Variants in FARS2 observed in about 807,000 individuals in gnomAD.
FARS2 encodes phenylalanine--tRNA ligase, mitochondrial.
Under a neutral mutation model 46.4 loss-of-function variants are expected in FARS2, and 40 were observed. The ratio of observed to expected loss-of-function variants is 0.86; its 90% CI spans 0.67 to 1.12. The LOEUF is 1.12. FARS2 is among the 50% of genes most tolerant of loss of function. FARS2 has a pLI of 0.00. For missense variants in FARS2, 513 were observed against 567.9 expected (o/e 0.90, Z 0.98); for synonymous variants, 234 against 214.9 (o/e 1.09, Z -0.78).
intron 1 of FARS2, among the ~76,000 whole-genome samples, chr6:5,271,198 C>T (rs149451977): frequency 1.9e-4 from 29 of 152,232 alleles, no homozygotes; most frequent in Admixed American, 5.2e-4. Context: ...TAAATTTTAT[C>T]GTCTGGCCAG....
At chr6:5,281,255 A>G (rs2127855362) in intron 1 of FARS2, among the ~76,000 whole-genome samples, 1 of 152,360 alleles carries the variant, frequency 6.6e-6, no homozygotes, top group East Asian at 1.9e-4. Context: ...TGAAGGTAAG[A>G]CTTAAAAAGA....
chr6:5,699,006 G>A (rs1758265186), intron 6 of FARS2, among the ~76,000 whole-genome samples: 2 of 152,216 alleles, frequency 1.3e-5, no homozygotes, highest in Admixed American at 1.3e-4. Flanking sequence ...TGGAAGCAGA[G>A]GGAAGGCACT....
In FARS2 at chr6:5,298,177, G is replaced by T. The variant is rs1397040226; in HGVS notation, c.-22+36517G>T. Among the ~76,000 whole-genome samples, 3 of 152,230 alleles carry T rather than the reference G, an allele frequency of 2.0e-5. No individual in the cohort carries two copies. The East Asian group carries it at 5.8e-4, about 29-fold the overall frequency. Reference sequence around the variant, plus strand: ...GGCTGCATGGCCTTGTGAAAATAGTGCTGCCCCTGGATGATGCTGGTCTGC... The same window carrying T: ...GGCTGCATGGCCTTGTGAAAATAGTTCTGCCCCTGGATGATGCTGGTCTGC... On this transcript the variant is annotated intron_variant, in intron 1 of 6. Transcript: ENST00000274680.
At chr6:5,301,802 TACACACACACAC>T (rs143654686) in intron 1 of FARS2, among the ~76,000 whole-genome samples, 1,960 of 132,416 alleles carry the variant, frequency 0.015, 50 homozygotes, top group African/African-American at 0.044. Flanking sequence ...CACACACACA[TACACACACACAC>T]ACACACACAC....
In FARS2 at chr6:5,757,967, G is replaced by A. The variant is rs933203239; in HGVS notation, c.1218-13324G>A. Among the ~76,000 whole-genome samples the A allele has an allele frequency of 2.1e-4, 32 of 152,328 alleles. 1 individual carries two copies. The Middle Eastern group carries it at 0.017, about 81-fold the overall frequency. ...ATTTAAAAGTTGTTTTCATAGAGAAGTACATGGTTCTAGGATGAGTTTCCA... is the reference window on the plus strand; with the variant it reads ...ATTTAAAAGTTGTTTTCATAGAGAAATACATGGTTCTAGGATGAGTTTCCA... On this transcript the variant is annotated intron_variant, in intron 6 of 6. Coordinates refer to ENST00000274680, the MANE Select transcript of FARS2 (RefSeq NM_006567.5).
At chr6:5,307,740 C>T (rs983927687) in intron 1 of FARS2, among the ~76,000 whole-genome samples, 2 of 151,782 alleles carry the variant, frequency 1.3e-5, no homozygotes, top group Non-Finnish European at 2.9e-5. Context: ...GTTTTATGAA[C>T]TAATTCATCT....
At chr6:5,467,781 A>G (rs1264167766) in intron 4 of FARS2, among the ~76,000 whole-genome samples, 1 of 152,222 alleles carries the variant, frequency 6.6e-6, no homozygotes, top group East Asian at 1.9e-4. Flanking sequence ...AGACCAAAAG[A>G]TGATTTCTAA....
intron 4 of FARS2, among the ~76,000 whole-genome samples, chr6:5,523,515 A>G (rs1277551118): frequency 6.6e-6 from 1 of 151,088 alleles, no homozygotes; most frequent in Non-Finnish European, 1.5e-5. Flanking sequence ...GCGATGTCAT[A>G]TCTGGCTGGT....
chr6:5,577,582 AT>A (rs1024690808), intron 5 of FARS2, among the ~76,000 whole-genome samples: 1 of 152,108 alleles, frequency 6.6e-6, no homozygotes, highest in Admixed American at 6.6e-5. Context: ...TACTTTTAAG[AT>A]TTTTTTAATT....
intron 6 of FARS2, among the ~76,000 whole-genome samples, chr6:5,680,892 A>G (rs1188114275): frequency 6.6e-6 from 1 of 152,208 alleles, no homozygotes; most frequent in Non-Finnish European, 1.5e-5. Flanking sequence ...ACAAAATGTA[A>G]AAGTTTTACC....
In FARS2 at chr6:5,644,993, T is replaced by C. The variant is rs1416830515; in HGVS notation, c.1217+31673T>C. Among the ~76,000 whole-genome samples, 3 of 152,342 alleles carry C rather than the reference T, an allele frequency of 2.0e-5. 1 individual carries two copies. The highest frequency in any genetic ancestry group is 1.9e-4 in the East Asian group (1 of 5,188). ...ACTCTCAGAGCCGACTCAGCACTTA[T>C]GATTCTGAAGAAGTGATATGCAGGC... On this transcript the variant is annotated intron_variant, in intron 6 of 6. Transcript: ENST00000274680.
intron 6 of FARS2, among the ~76,000 whole-genome samples, chr6:5,750,150 C>A (rs754472617): frequency 6.6e-6 from 1 of 152,056 alleles, no homozygotes; most frequent in Admixed American, 6.5e-5. Flanking sequence ...CATCATGATA[C>A]GACAGCATGG....
chr6:5,463,796 C>T (rs964403868), intron 4 of FARS2, among the ~76,000 whole-genome samples: 2 of 152,094 alleles, frequency 1.3e-5, no homozygotes, highest in Admixed American at 6.5e-5. Context: ...CATAGTGAGT[C>T]CCTTAACAGC....
chr6:5,585,338 C>A (rs1773557985), intron 5 of FARS2, among the ~76,000 whole-genome samples: 1 of 152,120 alleles, frequency 6.6e-6, no homozygotes, highest in Admixed American at 6.6e-5. Flanking sequence ...GTAAGGACAA[C>A]TGACGTCTGC....
At chr6:5,755,999 A>ATGTTT (rs1243631851) in intron 6 of FARS2, among the ~76,000 whole-genome samples, 14 of 152,166 alleles carry the variant, frequency 9.2e-5, no homozygotes, top group African/African-American at 2.9e-4. Flanking sequence ...TGCCAAGGAT[A>ATGTTT]TGTTTTGTTT....
At chr6:5,547,679 C>T (rs927065517) in intron 5 of FARS2, among the ~76,000 whole-genome samples, 12 of 152,218 alleles carry the variant, frequency 7.9e-5, no homozygotes, top group African/African-American at 2.9e-4. Flanking sequence ...GGAGAATTGG[C>T]TGGCAGTGAG....
At chr6:5,728,284 T>TC (rs1760396936) in intron 6 of FARS2, among the ~76,000 whole-genome samples, 1 of 152,324 alleles carries the variant, frequency 6.6e-6, no homozygotes, top group East Asian at 1.9e-4. Flanking sequence ...CTGGTTTGGC[T>TC]TGCTAATGTG....
At chr6:5,434,332 G>A (rs926706835) in intron 4 of FARS2, among the ~76,000 whole-genome samples, 3 of 151,932 alleles carry the variant, frequency 2.0e-5, no homozygotes, top group Non-Finnish European at 2.9e-5. Flanking sequence ...GGCTGGTCTC[G>A]AACTCTTGAC....
chr6:5,746,295 G>A (rs1365534887), intron 6 of FARS2, among the ~76,000 whole-genome samples: 3 of 152,198 alleles, frequency 2.0e-5, no homozygotes, highest in East Asian at 3.9e-4. Context: ...GTGCGTGGAA[G>A]AGGGGATTTT....
Sources: gnomAD v4.1 joint callset for allele counts (sites outside exome capture counted in the v4.1 genomes callset) on GRCh38, gnomAD v4.1.1 for gene constraint, MANE v1.5 for transcripts, NCBI Gene and HGNC (gene_info 2026-07-23, HGNC 2026-07-21) for gene names.